Variants in MAST4 observed in about 807,000 individuals in gnomAD.
MAST4 encodes the protein microtubule-associated serine/threonine-protein kinase 4.
A neutral mutation model predicts 162.7 loss-of-function variants in MAST4; 89 were observed. The observed-to-expected ratio is 0.55, with a 90% CI of 0.46 to 0.65. The LOEUF is 0.65. MAST4 is among the 30% of genes least tolerant of loss of function. The probability of loss-of-function intolerance (pLI) is 0.00; values close to 1 mark genes in which losing one functional copy is unlikely to be tolerated. For missense variants in MAST4, 3,153 were observed against 3,374.0 expected (o/e 0.93, Z 1.62); for synonymous variants, 1,479 against 1,361.1 (o/e 1.09, Z -1.91).
chr5:67,057,634 C>T (rs1380021004), intron 5 of MAST4, among the ~76,000 whole-genome samples: 1 of 121,898 alleles, frequency 8.2e-6, no homozygotes, highest in Non-Finnish European at 1.8e-5. Context: ...GAAAAGAAGG[C>T]ATAGAAAATC....
chr5:67,162,044 G>A (rs771754770), intron 27 of MAST4, among the ~76,000 whole-genome samples: 38 of 152,094 alleles, frequency 2.5e-4, no homozygotes, highest in Non-Finnish European at 4.3e-4. Context: ...CTGCTGATAC[G>A]ATACGCTTCA....
intron 1 of MAST4, among the ~76,000 whole-genome samples, chr5:66,692,220 G>A (rs543710174): frequency 6.6e-6 from 1 of 152,256 alleles, no homozygotes; most frequent in African/African-American, 2.4e-5. Context: ...CGCATGGTAA[G>A]AGAAGCATCC....
chr5:66,771,208 G>A (rs947107205), intron 2 of MAST4, among the ~76,000 whole-genome samples: 4 of 150,918 alleles, frequency 2.7e-5, no homozygotes, highest in African/African-American at 4.9e-5. Flanking sequence ...TATTTGAGAC[G>A]GAGTCTCACT....
chr5:66,905,310 A>AG (rs1243063490), intron 4 of MAST4, among the ~76,000 whole-genome samples: 1 of 103,506 alleles, frequency 9.7e-6, no homozygotes, highest in Non-Finnish European at 2.2e-5. Context: ...CTCAAAAAAA[A>AG]AAAAAAAAAA....
intron 4 of MAST4, among the ~76,000 whole-genome samples, chr5:67,046,799 A>G (rs180808111): frequency 1.6e-4 from 24 of 151,928 alleles, no homozygotes; most frequent in Admixed American, 1.3e-3. Context: ...ATTAGCCTAA[A>G]TTTTTTTTTG....
At chr5:66,894,163 A>G (rs944640927) in intron 3 of MAST4, among the ~76,000 whole-genome samples, 10 of 152,242 alleles carry the variant, frequency 6.6e-5, no homozygotes, top group Admixed American at 2.6e-4. Context: ...GAGGAAAACA[A>G]TCCAAAGGCA....
chr5:66,627,756 G>A (rs4700141), intron 1 of MAST4, among the ~76,000 whole-genome samples: 32,572 of 151,872 alleles, frequency 0.21, 3,710 homozygotes, highest in South Asian at 0.36. Flanking sequence ...GAGCTGTAAA[G>A]CTGCTTTTAC....
intron 4 of MAST4, among the ~76,000 whole-genome samples, chr5:67,035,091 G>A (rs1755850487): frequency 1.3e-5 from 2 of 152,010 alleles, no homozygotes; most frequent in Admixed American, 1.3e-4. Flanking sequence ...TTAAGTAAAG[G>A]AGTCCTTTTT....
chr5:67,025,756 A>G (rs573969682), intron 4 of MAST4, among the ~76,000 whole-genome samples: 1 of 152,358 alleles, frequency 6.6e-6, no homozygotes, highest in Non-Finnish European at 1.5e-5. Flanking sequence ...AGCCCGGAGT[A>G]TATTAAAACA....
chr5:66,976,196 G>C (rs915097298), intron 4 of MAST4, among the ~76,000 whole-genome samples: 1 of 152,170 alleles, frequency 6.6e-6, no homozygotes, highest in African/African-American at 2.4e-5. Flanking sequence ...GAGACTCCAA[G>C]AAAAAGCCAT....
At chr5:66,649,887 T>C (rs955553038) in intron 1 of MAST4, among the ~76,000 whole-genome samples, 4 of 152,156 alleles carry the variant, frequency 2.6e-5, no homozygotes, top group African/African-American at 9.7e-5. Context: ...AATACTGCCA[T>C]CTCATACACT....
intron 4 of MAST4, among the ~76,000 whole-genome samples, chr5:66,926,747 T>C (rs1267570398): frequency 1.3e-5 from 2 of 152,076 alleles, no homozygotes; most frequent in African/African-American, 4.8e-5. Flanking sequence ...GTTTTTTTGC[T>C]ATATGAAGGA....
chr5:67,047,608 TC>T (rs1467106389), intron 4 of MAST4, among the ~76,000 whole-genome samples: 2 of 152,246 alleles, frequency 1.3e-5, no homozygotes, highest in African/African-American at 4.8e-5. Context: ...ATGTTCATTT[TC>T]TGCTTTTCCC....
At chr5:67,102,465 T>G (rs772939657) in intron 8 of MAST4, 71 bp from the exon 9 acceptor site, 2 of 1,379,574 alleles carry the variant, frequency 1.4e-6, no homozygotes, top group African/African-American at 1.4e-5. Flanking sequence ...CAACTGACTG[T>G]TTATAAATAA....
chr5:67,072,098 G>A (rs1420265889), intron 5 of MAST4, among the ~76,000 whole-genome samples: 1 of 152,110 alleles, frequency 6.6e-6, no homozygotes, highest in Non-Finnish European at 1.5e-5. Context: ...AAACTTACTA[G>A]CATGAAAAGC....
chr5:67,059,229 G>A (rs920094824), intron 5 of MAST4, among the ~76,000 whole-genome samples: 2 of 152,136 alleles, frequency 1.3e-5, no homozygotes, highest in Admixed American at 6.5e-5. Flanking sequence ...GGGCATATCC[G>A]GTCATTCTCG....
intron 3 of MAST4, among the ~76,000 whole-genome samples, chr5:66,873,910 A>T (rs940009816): frequency 6.6e-6 from 1 of 152,190 alleles, no homozygotes; most frequent in African/African-American, 2.4e-5. Context: ...TAATTTTTAA[A>T]AGAGAAATTA....
At chr5:67,100,735 A>G in intron 8 of MAST4, 143 bp downstream of exon 8, 1 of 1,032,698 alleles carries the variant, frequency 9.7e-7, no homozygotes, top group Non-Finnish European at 1.4e-6. Flanking sequence ...TTCCATGTAC[A>G]CATAATATTG....
intron 6 of MAST4, chr5:67,094,163 C>T: frequency 6.7e-7 from 1 of 1,498,418 alleles, no homozygotes; most frequent in Non-Finnish European, 9.1e-7. Context: ...ACAGAAATGA[C>T]AGGTAAATTT....
Sources: gnomAD v4.1 joint callset for allele counts (sites outside exome capture counted in the v4.1 genomes callset) on GRCh38, gnomAD v4.1.1 for gene constraint, MANE v1.5 for transcripts, NCBI Gene and HGNC (gene_info 2026-07-23, HGNC 2026-07-21) for gene names.